FAM32A: variants seen among roughly 807,000 people sequenced by gnomAD.
FAM32A encodes the protein family with sequence similarity 32 member A, also known as protein FAM32A.
Under a neutral mutation model 15.8 loss-of-function variants are expected in FAM32A, and 9 were observed. That is an observed-to-expected ratio of 0.57 (90% confidence interval 0.34 to 1.00). The LOEUF is 1.00. Among genes scored for constraint, FAM32A ranks in the 50% least tolerant of loss-of-function variants. FAM32A has a pLI of 0.02. For synonymous variants in FAM32A, 64 were observed against 54.9 expected (o/e 1.16, Z -0.73); for missense variants, 113 against 138.3 (o/e 0.82, Z 0.92).
In FAM32A at chr19:16,191,259, A is replaced by C; in HGVS notation, c.*304A>C. The C allele has an allele frequency of 2.7e-6, 1 of 366,740 alleles. No individual in the cohort carries two copies. The highest frequency in any genetic ancestry group is 5.2e-6 in the Non-Finnish European group (1 of 191,248). 22.7% of individuals were successfully genotyped at this position (366,740 alleles called of 1,614,324 possible). ...GTCTGTGTCATGTAAAAATGTTTTC[A>C]CCCGAGTTGCATGTAACGCTCTGAG... is the stretch of plus-strand genomic sequence containing the variant. On this transcript the variant is annotated 3_prime_UTR_variant, in exon 4 of 4. Coordinates refer to ENST00000263384, the MANE Select transcript of FAM32A (RefSeq NM_014077.4).
chr19:16,187,674 C>A (rs977383459), intron 2 of FAM32A: 1 of 151,784 alleles, frequency 6.6e-6, no homozygotes, highest in Non-Finnish European at 1.5e-5. Context: ...TGTTCTTGAA[C>A]CCCTGACCTC....
intron 3 of FAM32A, 89 bp downstream of exon 3, chr19:16,190,662 C>T: frequency 9.3e-7 from 1 of 1,071,190 alleles, no homozygotes; most frequent in Non-Finnish European, 1.4e-6. Context: ...GAGCTGTTGG[C>T]ATGTTGACGA....
intron 2 of FAM32A, chr19:16,187,313 G>T (rs2091389652): frequency 6.6e-6 from 1 of 151,788 alleles, no homozygotes; most frequent in African/African-American, 2.4e-5. Flanking sequence ...ACAAAAATTA[G>T]CCGGGCATGG....
At chr19:16,189,134 T>A (rs2091396557) in intron 2 of FAM32A, among the ~76,000 whole-genome samples, 1 of 150,866 alleles carries the variant, frequency 6.6e-6, no homozygotes, top group Non-Finnish European at 1.5e-5. Context: ...GCTATTCTCC[T>A]GCCTCAGCCT....
intron 2 of FAM32A, among the ~76,000 whole-genome samples, chr19:16,187,957 G>A (rs1893437728): frequency 1.3e-5 from 2 of 151,752 alleles, no homozygotes; most frequent in African/African-American, 4.8e-5. Flanking sequence ...TGTTGGCCAG[G>A]CTGGTCTCGC....
At position 16,191,439 on chromosome 19, in the gene FAM32A, TAGGGAAGCCA is replaced by T. The variant is rs138684561; in HGVS notation, c.*485_*494del. 225 of 157,526 alleles carry T rather than the reference TAGGGAAGCCA, an allele frequency of 1.4e-3. 1 individual carries two copies. The highest frequency in any genetic ancestry group is 2.5e-3 in the Non-Finnish European group (181 of 71,090). 9.8% of individuals were successfully genotyped at this position (157,526 alleles called of 1,614,324 possible). A position where few individuals can be genotyped will look rare whatever the true frequency, so the allele number is the denominator to read the frequency against. ...GGCCTATGCTGTCCCCTGCAGGCCC[TAGGGAAGCCA>T]CTTGCAACTATGCGGCCTTCAGACT... On this transcript the variant is annotated 3_prime_UTR_variant, in exon 4 of 4. Transcript: ENST00000263384.
Position 16,189,022 on chromosome 19 carries a change from T to C in FAM32A, c.217-1498T>C, listed in dbSNP as rs797020895. On this transcript the variant is annotated intron_variant, in intron 2 of 3. Coordinates refer to ENST00000263384, the MANE Select transcript of FAM32A (RefSeq NM_014077.4). ...TATAGCTGGTGCCTCAGTGCTTCTT[T>C]TTTTTTTTTTTTTTTTTTTTGAGAC... Among the ~76,000 whole-genome samples the C allele has an allele frequency of 8.1e-4, 108 of 133,546 alleles. 2 individuals are homozygous for C. In the South Asian group the frequency reaches 0.024, roughly 30 times the overall value. 87.6% of individuals were successfully genotyped at this position (133,546 alleles called of 152,430 possible).
intron 2 of FAM32A, among the ~76,000 whole-genome samples, chr19:16,188,639 G>A (rs945627527): frequency 1.3e-5 from 2 of 152,238 alleles, no homozygotes; most frequent in African/African-American, 4.8e-5. Context: ...GCCCAGCCAG[G>A]TGCCTGGCAT....
chr19:16,187,649 C>G (rs2091391040), intron 2 of FAM32A: 1 of 151,070 alleles, frequency 6.6e-6, no homozygotes, highest in African/African-American at 2.4e-5. Context: ...TGGAGTTCCA[C>G]CACGTTAGCC....
At position 16,191,063 on chromosome 19, in the gene FAM32A, C is replaced by A; in HGVS notation, c.*108C>A. ...GGAAACATGGCTACACACACCCTTG[C>A]ATCTTCTGCTACAGACTGCTTTTCG... On this transcript the variant is annotated 3_prime_UTR_variant, in exon 4 of 4. Transcript: ENST00000263384. The A allele has an allele frequency of 1.2e-6, 1 of 837,784 alleles. No individual in the cohort carries two copies. The highest frequency in any genetic ancestry group is 1.4e-5 in the South Asian group (1 of 71,434). 51.9% of individuals were successfully genotyped at this position (837,784 alleles called of 1,614,324 possible). A position where few individuals can be genotyped will look rare whatever the true frequency, so the allele number is the denominator to read the frequency against.
At chr19:16,190,475 T>C (rs776427301) in intron 2 of FAM32A, 45 bp from the exon 3 acceptor site, 9 of 1,403,522 alleles carry the variant, frequency 6.4e-6, no homozygotes, top group Admixed American at 1.9e-5. Flanking sequence ...CAGCCTGGGC[T>C]GTGTTGAGCC....
At chr19:16,186,479 G>GCTGATCTCGAACTT (rs981193270) in intron 2 of FAM32A, 17 of 152,076 alleles carry the variant, frequency 1.1e-4, no homozygotes, top group Admixed American at 5.2e-4. Context: ...TGTTGGCCAG[G>GCTGATCTCGAACTT]CTGATCTCGA....
rs1212645327 is a variant in FAM32A, at chr19:16,191,690, C to T, written c.*735C>T. ...CAGACACAGCCTGCCTCTCAATCCTCAGCTGGGGGCTCCTAGCAGCCTCTT... is the reference window on the plus strand; with the variant it reads ...CAGACACAGCCTGCCTCTCAATCCTTAGCTGGGGGCTCCTAGCAGCCTCTT... On this transcript the variant is annotated 3_prime_UTR_variant, in exon 4 of 4. Transcript: ENST00000263384. The T allele has an allele frequency of 6.6e-6, 1 of 152,442 alleles. No individual in the cohort carries two copies. The highest frequency in any genetic ancestry group is 1.9e-4 in the East Asian group (1 of 5,208). 9.4% of individuals were successfully genotyped at this position (152,442 alleles called of 1,614,324 possible).
rs71178652 is a variant in FAM32A, at chr19:16,189,668, C to CTTTTT, written c.217-830_217-826dup. Among the ~76,000 whole-genome samples the CTTTTT allele has an allele frequency of 4.3e-4, 25 of 58,580 alleles. 1 individual carries two copies. Among genetic ancestry groups the CTTTTT allele is most frequent in the South Asian group, 1.9e-3 (2 of 1,060 alleles). 38.4% of individuals were successfully genotyped at this position (58,580 alleles called of 152,430 possible). ...TGGCTTTATATCCCACACTCCAACTCTTTTTTTTTTTTTTTTTTTTTTTTT... is the reference window on the plus strand; with the variant it reads ...TGGCTTTATATCCCACACTCCAACTCTTTTTTTTTTTTTTTTTTTTTTTTTTTTTT... On this transcript the variant is annotated intron_variant, in intron 2 of 3. Coordinates refer to ENST00000263384, the MANE Select transcript of FAM32A (RefSeq NM_014077.4).
chr19:16,185,721 C>G lies in FAM32A; in HGVS notation c.172C>G (p.Arg58Gly). Reference sequence around the variant, plus strand: ...GGAGAAGCGGCGCGGCCTGGACAAGCGGACCCCGGCCCAGGCGGCCTTCGA... The same window carrying G: ...GGAGAAGCGGCGCGGCCTGGACAAGGGGACCCCGGCCCAGGCGGCCTTCGA... ...EEEKRRGLDK[R>G]TPAQAAFEKM... The change falls in exon 2 of 4, where the codon CGG becomes GGG. Residue 58 changes from arginine to glycine, a missense_variant. By Grantham distance (125) the Arg-to-Gly change is moderately radical. Coordinates refer to ENST00000263384, the MANE Select transcript of FAM32A (RefSeq NM_014077.4). 3 of 1,557,394 alleles carry G rather than the reference C, an allele frequency of 1.9e-6. No individual in the cohort carries two copies. The highest frequency in any genetic ancestry group is 2.0e-5 in the Admixed American group (1 of 51,274).
Position 16,185,770 on chromosome 19 carries a change from G to C in FAM32A, c.216+5G>C. 1 of 1,548,080 alleles carries C rather than the reference G, an allele frequency of 6.5e-7. No homozygotes were observed. Among genetic ancestry groups the C allele is most frequent in the Non-Finnish European group, 8.7e-7 (1 of 1,145,900 alleles). ...GAGAAAATGCAGGAGAAGCGGGTGA[G>C]CAGAAGCAGAAGGCGGCGGGGAGGC... On this transcript the variant is annotated splice_donor_5th_base_variant and intron_variant, in intron 2 of 3. Transcript: ENST00000263384.
chr19:16,185,550 A>T, intron 1 of FAM32A, 34 bp downstream of exon 1: 2 of 1,573,736 alleles, frequency 1.3e-6, no homozygotes, highest in South Asian at 2.3e-5. Context: ...TTCCGTCTTC[A>T]TCCCCCTTAG....
At chr19:16,186,319 G>T (rs1181819372) in intron 2 of FAM32A, 1 of 152,576 alleles carries the variant, frequency 6.6e-6, no homozygotes, top group East Asian at 1.9e-4. Flanking sequence ...TAAAAAATTA[G>T]TTATTTTTGG....
intron 2 of FAM32A, among the ~76,000 whole-genome samples, chr19:16,190,159 C>T (rs2091400364): frequency 6.6e-6 from 1 of 151,738 alleles, no homozygotes; most frequent in Non-Finnish European, 1.5e-5. Flanking sequence ...GACCCTTTAC[C>T]TCTCTCTTTC....
Sources: allele counts gnomAD v4.1 joint callset (sites outside exome capture counted in the v4.1 genomes callset), GRCh38; gene constraint gnomAD v4.1.1; transcripts MANE v1.5; gene names NCBI Gene and HGNC (gene_info 2026-07-23, HGNC 2026-07-21).